CLYBL: variants seen among roughly 807,000 people sequenced by gnomAD.
The protein encoded by CLYBL is citramalyl-CoA lyase, also known as citramalyl-CoA lyase, mitochondrial.
In CLYBL, 31 loss-of-function variants were observed where a neutral mutation model predicts 38.9. That is an observed-to-expected ratio of 0.80 (90% confidence interval 0.60 to 1.08). The LOEUF is 1.08. Ranked by LOEUF, CLYBL falls within the 50% of genes least tolerant of loss-of-function variation. The pLI, the probability that CLYBL is intolerant of heterozygous loss-of-function variation, is 0.00. For synonymous variants in CLYBL, 171 were observed against 158.6 expected, an observed-to-expected ratio of 1.08 and a Z score of -0.59; for missense variants, 434 against 411.6, an observed-to-expected ratio of 1.05 and a Z score of -0.47.
intron 2 of CLYBL, among the ~76,000 whole-genome samples, chr13:99,844,629 C>T (rs2051157612): frequency 6.6e-6 from 1 of 152,212 alleles, no homozygotes; most frequent in South Asian, 2.1e-4. Flanking sequence ...CTTCGGTGTC[C>T]TCTTGTGACT....
chr13:99,706,632 A>G (rs968559147), intron 1 of CLYBL, among the ~76,000 whole-genome samples: 3 of 152,150 alleles, frequency 2.0e-5, no homozygotes, highest in African/African-American at 2.4e-5. Context: ...AATCACATAT[A>G]GTCAAGTCCA....
At chr13:99,716,381 C>CT (rs1555293169) in intron 1 of CLYBL, among the ~76,000 whole-genome samples, 17 of 138,452 alleles carry the variant, frequency 1.2e-4, no homozygotes, top group African/African-American at 4.4e-4. Context: ...CTATATTTTT[C>CT]TTTCTTTTCT....
chr13:99,826,005 G>C (rs919838799), intron 2 of CLYBL, among the ~76,000 whole-genome samples: 1 of 152,218 alleles, frequency 6.6e-6, no homozygotes, highest in African/African-American at 2.4e-5. Flanking sequence ...AGTGGCTTAT[G>C]GGATCTTTCT....
At chr13:99,837,482 C>A (rs1324063296) in intron 2 of CLYBL, among the ~76,000 whole-genome samples, 1 of 152,134 alleles carries the variant, frequency 6.6e-6, no homozygotes, top group South Asian at 2.1e-4. Context: ...AAAAAACAGT[C>A]ATGATATAGG....
chr13:99,696,654 A>T (rs2047984119), intron 1 of CLYBL, among the ~76,000 whole-genome samples: 1 of 152,100 alleles, frequency 6.6e-6, no homozygotes, highest in South Asian at 2.1e-4. Context: ...AGGAAAAAAA[A>T]AAGTATGAGG....
chr13:99,723,554 G>A (rs9517859), intron 1 of CLYBL, among the ~76,000 whole-genome samples: 3,087 of 152,288 alleles, frequency 0.02, 53 homozygotes, highest in Middle Eastern at 0.095. Context: ...GGCTGTAATC[G>A]TAATGTGAGT....
chr13:99,867,899 C>A (rs556125791), intron 6 of CLYBL, among the ~76,000 whole-genome samples: 1 of 152,152 alleles, frequency 6.6e-6, no homozygotes, highest in South Asian at 2.1e-4. Flanking sequence ...TAAATGTTTG[C>A]CCCAGAACTT....
chr13:99,724,693 C>T (rs981587534), intron 1 of CLYBL, among the ~76,000 whole-genome samples: 7 of 152,078 alleles, frequency 4.6e-5, no homozygotes, highest in Admixed American at 2.0e-4. Flanking sequence ...ACGAGCAGAA[C>T]GCACCGAGTT....
chr13:99,763,820 T>C (rs1482521255), intron 1 of CLYBL, among the ~76,000 whole-genome samples: 1 of 152,198 alleles, frequency 6.6e-6, no homozygotes, highest in African/African-American at 2.4e-5. Flanking sequence ...CCCAAAGTGC[T>C]GGGATTACAG....
chr13:99,824,457 T>C (rs1243387341), intron 2 of CLYBL, among the ~76,000 whole-genome samples: 2 of 152,190 alleles, frequency 1.3e-5, no homozygotes, highest in Admixed American at 6.5e-5. Flanking sequence ...AGACTATTTC[T>C]GGCAAATAAA....
chr13:99,741,708 C>T (rs2048759479), intron 1 of CLYBL, among the ~76,000 whole-genome samples: 1 of 152,208 alleles, frequency 6.6e-6, no homozygotes, highest in African/African-American at 2.4e-5. Flanking sequence ...AACTCCTGAC[C>T]TCAGGTGATC....
intron 2 of CLYBL, among the ~76,000 whole-genome samples, chr13:99,788,669 G>A (rs1057137793): frequency 3.9e-5 from 6 of 152,088 alleles, no homozygotes; most frequent in African/African-American, 1.4e-4. Context: ...CTATTTTTGT[G>A]TGTGTGTCTC....
At chr13:99,770,526 C>T (rs1404547446) in intron 1 of CLYBL, among the ~76,000 whole-genome samples, 1 of 152,086 alleles carries the variant, frequency 6.6e-6, no homozygotes, top group African/African-American at 2.4e-5. Context: ...ACTGTGTTAG[C>T]GAGGATATTC....
chr13:99,861,247 A>G (rs1405123843), intron 3 of CLYBL, among the ~76,000 whole-genome samples: 1 of 152,148 alleles, frequency 6.6e-6, no homozygotes, highest in South Asian at 2.1e-4. Flanking sequence ...GAGGAGGAGG[A>G]GGAGGATGGG....
At chr13:99,770,286 C>T (rs2049358775) in intron 1 of CLYBL, among the ~76,000 whole-genome samples, 1 of 151,202 alleles carries the variant, frequency 6.6e-6, no homozygotes, top group Non-Finnish European at 1.5e-5. Context: ...CAGGGTTTCA[C>T]CATATTGGCC....
chr13:99,703,837 G>A (rs1462143547), intron 1 of CLYBL, among the ~76,000 whole-genome samples: 1 of 152,026 alleles, frequency 6.6e-6, no homozygotes, highest in Non-Finnish European at 1.5e-5. Context: ...CTTATCCACT[G>A]GTTGGAAGCT....
rs1044964217 is a variant in CLYBL, at chr13:99,695,424, A to G, written c.63-77400A>G. 5.3e-5 allele frequency among the ~76,000 whole-genome samples: 8 copies of G among 152,086 alleles called. No individual in the cohort carries two copies. The East Asian group carries it at 1.3e-3, about 26-fold the overall frequency. The stretch of plus-strand genomic sequence containing the variant: ...AAAACCGCGTTTTTATGGACAGTCA[A>G]GCAGAAATATGATGAGAGAACAAAA... On this transcript the variant is annotated intron_variant, in intron 1 of 8. Transcript: ENST00000339105.
chr13:99,643,487 C>T (rs1411336070), intron 1 of CLYBL, among the ~76,000 whole-genome samples: 1 of 152,140 alleles, frequency 6.6e-6, no homozygotes, highest in Non-Finnish European at 1.5e-5. Flanking sequence ...GGGGCATATG[C>T]ATTTCTGAAA....
At chr13:99,698,037 A>G (rs549827068) in intron 1 of CLYBL, among the ~76,000 whole-genome samples, 1 of 152,306 alleles carries the variant, frequency 6.6e-6, no homozygotes, top group East Asian at 1.9e-4. Flanking sequence ...GTGTAATAGG[A>G]AAGAGATTAA....
Sources: allele counts gnomAD v4.1 joint callset (sites outside exome capture counted in the v4.1 genomes callset), GRCh38; gene constraint gnomAD v4.1.1; transcripts MANE v1.5; gene names NCBI Gene and HGNC (gene_info 2026-07-23, HGNC 2026-07-21).